KLF8: variants seen among roughly 807,000 people sequenced by gnomAD.
KLF8 encodes the protein Krueppel-like factor 8.
Under a neutral mutation model 18.2 loss-of-function variants are expected in KLF8, and 10 were observed. The ratio of observed to expected loss-of-function variants is 0.55; its 90% confidence interval spans 0.34 to 0.93. KLF8 has a LOEUF of 0.93. Among genes scored for constraint, KLF8 ranks in the 40% least tolerant of loss-of-function variants. The pLI is 0.02. For missense variants in KLF8, 264 were observed against 277.9 expected, an observed-to-expected ratio of 0.95 and a Z score of 0.36; for synonymous variants, 109 against 97.3, an observed-to-expected ratio of 1.12 and a Z score of -0.71.
At chrX:56,024,634 T>C in the KLF8 span, among the ~76,000 whole-genome samples, 1 of 112,088 alleles carries the variant, frequency 8.9e-6, no homozygotes, top group African/African-American at 3.3e-5. Flanking sequence ...GAAAGGGCCA[T>C]GATTGATCGA....
chrX:56,251,680 C>G (rs1446290520), intron 2 of KLF8, among the ~76,000 whole-genome samples: 2 of 110,365 alleles, frequency 1.8e-5, no homozygotes, highest in Non-Finnish European at 3.8e-5. Context: ...CTAGGCTGGT[C>G]TCGAACTCCT....
At chrX:56,174,588 T>C in the KLF8 span, among the ~76,000 whole-genome samples, 52 of 111,569 alleles carry the variant, frequency 4.7e-4, no homozygotes, top group African/African-American at 1.6e-3. Context: ...CAGGCTTTGG[T>C]ATCAGGATGA....
the KLF8 span, among the ~76,000 whole-genome samples, chrX:56,062,115 C>T: frequency 9.3e-6 from 1 of 107,218 alleles, no homozygotes. Context: ...ACTCTTTATC[C>T]AATTTTCCAG....
chrX:56,255,755 G>T (rs1427020596), intron 2 of KLF8, among the ~76,000 whole-genome samples: 2 of 111,846 alleles, frequency 1.8e-5, no homozygotes, highest in Non-Finnish European at 3.8e-5. Context: ...CAGGATGAAG[G>T]ATCTTTCTAA....
the KLF8 span, among the ~76,000 whole-genome samples, chrX:56,160,806 T>C: frequency 9.0e-6 from 1 of 111,598 alleles, no homozygotes; most frequent in East Asian, 2.8e-4. Flanking sequence ...ATGGGTTTCC[T>C]GAATACAGCA....
At chrX:56,133,386 A>G in the KLF8 span, among the ~76,000 whole-genome samples, 2 of 112,125 alleles carry the variant, frequency 1.8e-5, no homozygotes, top group Admixed American at 1.9e-4. Flanking sequence ...AATTTGATAC[A>G]CCACGTAAAC....
chrX:56,008,412 G>A, the KLF8 span, among the ~76,000 whole-genome samples: 5 of 111,191 alleles, frequency 4.5e-5, no homozygotes, highest in African/African-American at 9.8e-5. Context: ...TGGCCCACCC[G>A]GGAGCCACGT....
the KLF8 span, among the ~76,000 whole-genome samples, chrX:56,176,696 G>A: frequency 9.0e-6 from 1 of 111,641 alleles, no homozygotes; most frequent in African/African-American, 3.3e-5. Flanking sequence ...CCTGCAGAGT[G>A]TTTTCCAACT....
At chrX:56,078,771 C>T in the KLF8 span, among the ~76,000 whole-genome samples, 1 of 111,261 alleles carries the variant, frequency 9.0e-6, no homozygotes, top group Non-Finnish European at 1.9e-5. Flanking sequence ...CCATCTGGTC[C>T]TGGACTCTTT....
chrX:56,207,923 G>T, the KLF8 span, among the ~76,000 whole-genome samples: 1 of 111,215 alleles, frequency 9.0e-6, no homozygotes, highest in Non-Finnish European at 1.9e-5. Context: ...GTTCCACATG[G>T]CTGGGGAAGC....
chrX:56,042,521 C>A, the KLF8 span, among the ~76,000 whole-genome samples: 1 of 111,616 alleles, frequency 9.0e-6, no homozygotes, highest in African/African-American at 3.3e-5. Flanking sequence ...CTGGATGCTC[C>A]TGGAATGTGG....
the KLF8 span, among the ~76,000 whole-genome samples, chrX:56,128,921 C>T: frequency 5.5e-5 from 6 of 109,679 alleles, no homozygotes; most frequent in Admixed American, 5.9e-4. Flanking sequence ...TTTCTGTGAA[C>T]ACATGAAAAT....
chrX:56,006,458 G>A, the KLF8 span, among the ~76,000 whole-genome samples: 1 of 112,192 alleles, frequency 8.9e-6, no homozygotes, highest in Non-Finnish European at 1.9e-5. Flanking sequence ...TCACTCTGAA[G>A]ATCTGCTCAG....
chrX:55,945,870 G>T, the KLF8 span, among the ~76,000 whole-genome samples: 1 of 110,941 alleles, frequency 9.0e-6, no homozygotes, highest in East Asian at 2.8e-4. Context: ...AATCATGAGT[G>T]AACTCCCATT....
the KLF8 span, among the ~76,000 whole-genome samples, chrX:56,081,949 G>T: frequency 1.8e-5 from 2 of 111,201 alleles, no homozygotes; most frequent in South Asian, 3.8e-4. Flanking sequence ...TTGATTTGAG[G>T]GTAAGTCTGG....
rs370211175 is a variant in KLF8, at chrX:56,286,600, C to T, written c.*2106C>T. The T allele has an allele frequency of 3.6e-5, 4 of 112,482 alleles. No individual in the cohort carries two copies. Among genetic ancestry groups the T allele is most frequent in the East Asian group, 2.8e-4 (1 of 3,596 alleles). 9.3% of individuals were successfully genotyped at this position (112,482 alleles called of 1,213,427 possible). On this transcript the variant is annotated 3_prime_UTR_variant, in exon 6 of 6. Coordinates refer to ENST00000468660, the MANE Select transcript of KLF8 (RefSeq NM_007250.5). The stretch of plus-strand genomic sequence containing the variant: ...AGTAAAATGTACTTGTGGTCATTGC[C>T]GTATAACATTAGGCACACGCTTCTA...
chrX:56,132,876 A>G, the KLF8 span, among the ~76,000 whole-genome samples: 1 of 111,796 alleles, frequency 8.9e-6, no homozygotes, highest in Non-Finnish European at 1.9e-5. Flanking sequence ...ATTCAAGGCT[A>G]CTATGAACAC....
chrX:56,189,061 A>G, the KLF8 span, among the ~76,000 whole-genome samples: 1 of 111,918 alleles, frequency 8.9e-6, no homozygotes, highest in East Asian at 2.8e-4. Flanking sequence ...AGCAAAAGAA[A>G]CTACCATCAG....
At chrX:55,989,140 G>A in the KLF8 span, among the ~76,000 whole-genome samples, 61 of 111,740 alleles carry the variant, frequency 5.5e-4, no homozygotes, top group Non-Finnish European at 8.8e-4. Flanking sequence ...CAAACATGTC[G>A]TCTGCAAACA....
Sources: gnomAD v4.1 joint callset for allele counts (sites outside exome capture counted in the v4.1 genomes callset) on GRCh38, gnomAD v4.1.1 for gene constraint, MANE v1.5 for transcripts, NCBI Gene and HGNC (gene_info 2026-07-23, HGNC 2026-07-21) for gene names.